UNC13C: variants seen among roughly 807,000 people sequenced by gnomAD.
UNC13C encodes protein unc-13 homolog C.
A neutral mutation model predicts 245.4 loss-of-function variants in UNC13C; 174 were observed. The observed-to-expected ratio is 0.71, with a 90% CI of 0.63 to 0.80. The LOEUF (loss-of-function observed/expected upper bound fraction) is 0.80, where lower values mean the gene tolerates loss of function less well. Among genes scored for constraint, UNC13C ranks in the 30% least tolerant of loss-of-function variants. The pLI is 0.00. For missense variants in UNC13C, 2,829 were observed against 2,602.9 expected (o/e 1.09, Z -1.89); for synonymous variants, 992 against 895.1 (o/e 1.11, Z -1.93).
intron 2 of UNC13C, among the ~76,000 whole-genome samples, chr15:54,128,804 AC>A (rs1265057017): frequency 6.6e-6 from 1 of 152,096 alleles, no homozygotes; most frequent in African/African-American, 2.4e-5. Flanking sequence ...TGCTTACAGA[AC>A]CCTAGTTGGG....
the UNC13C span, among the ~76,000 whole-genome samples, chr15:53,839,437 A>G: frequency 6.6e-6 from 1 of 152,116 alleles, no homozygotes; most frequent in Admixed American, 6.6e-5. Context: ...TAGTTTTAGA[A>G]TTGTTTCATT....
At chr15:54,404,049 A>G (rs1177025865) in intron 18 of UNC13C, among the ~76,000 whole-genome samples, 1 of 152,168 alleles carries the variant, frequency 6.6e-6, no homozygotes, top group African/African-American at 2.4e-5. Context: ...CACTAAATAC[A>G]TGTCAAGCAT....
the UNC13C span, among the ~76,000 whole-genome samples, chr15:53,924,077 G>C: frequency 6.6e-6 from 1 of 151,948 alleles, no homozygotes; most frequent in African/African-American, 2.4e-5. Context: ...TGTAGTGGTG[G>C]GCGCCTGTAA....
intron 2 of UNC13C, among the ~76,000 whole-genome samples, chr15:54,071,825 C>T (rs1273844174): frequency 1.3e-5 from 2 of 152,154 alleles, no homozygotes. Flanking sequence ...CTACATGTTC[C>T]TCAAAGCCTA....
At chr15:54,442,154 CT>C (rs547791503) in intron 19 of UNC13C, among the ~76,000 whole-genome samples, 1 of 150,920 alleles carries the variant, frequency 6.6e-6, no homozygotes, top group Non-Finnish European at 1.5e-5. Context: ...ATTTTGATGC[CT>C]TTTTTTCTTT....
intron 1 of UNC13C, among the ~76,000 whole-genome samples, chr15:54,006,507 T>C (rs1314957962): frequency 6.6e-6 from 1 of 152,204 alleles, no homozygotes; most frequent in Admixed American, 6.5e-5. Flanking sequence ...AAACTAACAG[T>C]TCCCCCAAAC....
rs1426311055 is a variant in UNC13C, at chr15:54,232,366, G to A, written c.3072-2664G>A. Among the ~76,000 whole-genome samples, 2 of 152,104 alleles carry A rather than the reference G, an allele frequency of 1.3e-5. 1 individual carries two copies. The highest frequency in any genetic ancestry group is 4.1e-4 in the South Asian group (2 of 4,838). On this transcript the variant is annotated intron_variant, in intron 4 of 32. Transcript: ENST00000260323. The stretch of plus-strand genomic sequence containing the variant: ...TCTGCTCACTTGGGCTTGTTATTCT[G>A]CAGTGCTCATATTTGTCCTAGGTCC...
chr15:54,132,044 C>G (rs1320676257), intron 2 of UNC13C, among the ~76,000 whole-genome samples: 2 of 119,658 alleles, frequency 1.7e-5, no homozygotes, highest in Non-Finnish European at 3.5e-5. Context: ...TGATACTGAA[C>G]TGTCATTGCA....
intron 2 of UNC13C, among the ~76,000 whole-genome samples, chr15:54,053,811 G>A (rs986463933): frequency 2.6e-5 from 4 of 151,806 alleles, no homozygotes; most frequent in African/African-American, 9.7e-5. Flanking sequence ...CCTAGCTTCT[G>A]GTAACCACCG....
chr15:53,951,504 G>C, the UNC13C span, among the ~76,000 whole-genome samples: 1 of 152,188 alleles, frequency 6.6e-6, no homozygotes, highest in South Asian at 2.1e-4. Flanking sequence ...TCTCAAAAGT[G>C]TCCTGGTGTA....
intron 1 of UNC13C, among the ~76,000 whole-genome samples, chr15:53,980,505 A>C (rs933036568): frequency 6.6e-6 from 1 of 152,220 alleles, no homozygotes; most frequent in Non-Finnish European, 1.5e-5. Context: ...TAAACTAATA[A>C]ACTGATCAAG....
intron 1 of UNC13C, among the ~76,000 whole-genome samples, chr15:54,000,998 G>A (rs1355766158): frequency 6.6e-6 from 1 of 152,156 alleles, no homozygotes; most frequent in Non-Finnish European, 1.5e-5. Flanking sequence ...TTCGTAATGT[G>A]TGATAATTTT....
chr15:54,455,205 C>CTCTATATA (rs1388065398), intron 19 of UNC13C, among the ~76,000 whole-genome samples: 54 of 18,942 alleles, frequency 2.9e-3, no homozygotes, highest in Non-Finnish European at 3.3e-3. Context: ...CTCTCTCTCT[C>CTCTATATA]TATATATATA....
intron 19 of UNC13C, among the ~76,000 whole-genome samples, chr15:54,424,660 C>G (rs2040721157): frequency 1.3e-5 from 2 of 151,664 alleles, no homozygotes; most frequent in South Asian, 4.2e-4. Flanking sequence ...AGTAACTTCA[C>G]AGACATATTA....
chr15:54,180,659 C>T (rs568809940), intron 4 of UNC13C, among the ~76,000 whole-genome samples: 1 of 152,082 alleles, frequency 6.6e-6, no homozygotes, highest in South Asian at 2.1e-4. Context: ...TCACCAGCAT[C>T]TGTTGTTTTT....
intron 1 of UNC13C, among the ~76,000 whole-genome samples, chr15:53,986,370 A>G: frequency 6.6e-6 from 1 of 152,134 alleles, no homozygotes; most frequent in South Asian, 2.1e-4. Flanking sequence ...TTTGTATTAC[A>G]TTTCTCTTAA....
intron 20 of UNC13C, among the ~76,000 whole-genome samples, chr15:54,499,202 G>A (rs1350634832): frequency 3.9e-5 from 6 of 152,086 alleles, no homozygotes; most frequent in South Asian, 2.1e-4. Flanking sequence ...GGGGGAGCAG[G>A]AGCAAGAGAG....
chr15:53,893,447 C>T, the UNC13C span, among the ~76,000 whole-genome samples: 1 of 152,212 alleles, frequency 6.6e-6, no homozygotes, highest in African/African-American at 2.4e-5. Context: ...GCTGAAGCTG[C>T]ACCCATAGCC....
intron 2 of UNC13C, among the ~76,000 whole-genome samples, chr15:54,054,810 AT>A (rs144008790): frequency 5.3e-5 from 8 of 151,140 alleles, no homozygotes; most frequent in East Asian, 2.0e-4. Flanking sequence ...TTTTGTTTTT[AT>A]TTTTTTTTGT....
Sources: allele counts gnomAD v4.1 joint callset (sites outside exome capture counted in the v4.1 genomes callset), GRCh38; gene constraint gnomAD v4.1.1; transcripts MANE v1.5; gene names NCBI Gene and HGNC (gene_info 2026-07-23, HGNC 2026-07-21).